DYNC2H1: variants seen among roughly 807,000 people sequenced by gnomAD.
The protein encoded by DYNC2H1 is dynein cytoplasmic 2 heavy chain 1.
DYNC2H1 carries 410 observed loss-of-function variants against 570.0 expected under a neutral mutation model. The observed-to-expected ratio is 0.72, with a 90% CI of 0.66 to 0.78. The LOEUF (loss-of-function observed/expected upper bound fraction) is 0.78, where lower values mean the gene tolerates loss of function less well. DYNC2H1 is among the 30% of genes least tolerant of loss of function. The pLI is 0.00. For synonymous variants in DYNC2H1, 1,688 were observed against 1,677.6 expected (o/e 1.01, Z -0.15); for missense variants, 4,865 against 5,046.4 (o/e 0.96, Z 1.09).
Position 103,153,461 on chromosome 11 carries a change from G to GA in DYNC2H1, c.3262dup (p.Ile1088AsnfsTer2), listed in dbSNP as rs767206815. The GA allele has an allele frequency of 3.8e-5, 59 of 1,564,888 alleles. No individual in the cohort carries two copies. The highest frequency in any genetic ancestry group is 4.9e-5 in the Non-Finnish European group (57 of 1,157,194). On this transcript the variant is annotated frameshift_variant, in exon 22 of 89. Coordinates refer to ENST00000375735, the MANE Select transcript of DYNC2H1 (RefSeq NM_001377.3). LOFTEE classifies it high-confidence loss of function. ...ATAAAAGTGCAAAGTTAATAAAAGA[G>GA]AAAAAAATTGAGTTTGATGATCTTG...
chr11:103,130,264 A>G lies in DYNC2H1; in HGVS notation c.1953+1259A>G, dbSNP rs543206395. 1.1e-3 allele frequency among the ~76,000 whole-genome samples: 167 copies of G among 152,242 alleles called. 1 individual carries two copies. The highest frequency in any genetic ancestry group is 3.9e-3 in the African/African-American group (160 of 41,524). On this transcript the variant is annotated intron_variant, in intron 13 of 88. Coordinates refer to ENST00000375735, the MANE Select transcript of DYNC2H1 (RefSeq NM_001377.3). ...GCAAATATTCAGCATAAACCAAATT[A>G]TTTAGGTACAGTGAGCCACTCTTAT...
chr11:103,234,232 A>T, intron 61 of DYNC2H1, 72 bp downstream of exon 61: 1 of 1,463,422 alleles, frequency 6.8e-7, no homozygotes, highest in Non-Finnish European at 9.1e-7. Context: ...ATGTATGTTA[A>T]GAAAAAGGAG....
rs188974612 is a variant in DYNC2H1, at chr11:103,205,146, T to A, written c.8454+182T>A. Among the ~76,000 whole-genome samples, 5 of 152,270 alleles carry A rather than the reference T, an allele frequency of 3.3e-5. No individual in the cohort carries two copies. The highest frequency in any genetic ancestry group is 2.0e-4 in the Admixed American group (3 of 15,286). ...ATCATAATTTAGTTGAATGTAGAAT[T>A]TTAGATTGAGGATCATGTTCTTAAT... On this transcript the variant is annotated intron_variant, in intron 52 of 88. Coordinates refer to ENST00000375735, the MANE Select transcript of DYNC2H1 (RefSeq NM_001377.3). This position sits in a 1 kb window ranked among gnomAD's most constrained non-coding sequence, Gnocchi z 4.5.
At position 103,479,050 on chromosome 11, in the gene DYNC2H1, A is replaced by C. The variant is rs1441070583; in HGVS notation, c.12766-45A>C. The C allele has an allele frequency of 2.5e-6, 4 of 1,598,122 alleles. No homozygotes were observed. In the African/African-American group the frequency reaches 5.4e-5, roughly 21 times the overall value. On this transcript the variant is annotated intron_variant, in intron 88 of 88. Transcript: ENST00000375735. The stretch of plus-strand genomic sequence containing the variant: ...CTTGGTTATCTAATAATCTGTTTCC[A>C]AATAGTGTATTGCTTTATTTTAAAA...
At chr11:103,361,654 G>A (rs909130342) in intron 83 of DYNC2H1, among the ~76,000 whole-genome samples, 1 of 152,190 alleles carries the variant, frequency 6.6e-6, no homozygotes, top group Non-Finnish European at 1.5e-5. Flanking sequence ...AGTAGTCCAG[G>A]TAAGAGCAGA....
rs1375838326 is a variant in DYNC2H1 at position 103,319,460 on chromosome 11, T to G, written c.11726-1569T>G. 1.3e-5 allele frequency among the ~76,000 whole-genome samples: 2 copies of G among 152,176 alleles called. No individual in the cohort carries two copies. Among genetic ancestry groups the G allele is most frequent in the Admixed American group, 1.3e-4 (2 of 15,284 alleles). ...TTCCTGATCTTTAAATTAGGAATGA[T>G]AGTAGACACTATCTCAGTTTATTCG... is the stretch of plus-strand genomic sequence containing the variant. On this transcript the variant is annotated intron_variant, in intron 80 of 88. Coordinates refer to ENST00000375735, the MANE Select transcript of DYNC2H1 (RefSeq NM_001377.3). The surrounding 1 kb of genome is among the most constrained non-coding windows in gnomAD (Gnocchi z 4.3).
intron 84 of DYNC2H1, among the ~76,000 whole-genome samples, chr11:103,416,075 T>A (rs1220001714): frequency 1.3e-5 from 2 of 152,134 alleles, no homozygotes; most frequent in African/African-American, 4.8e-5. Flanking sequence ...CCACATGTTC[T>A]CACTCATAGG....
intron 84 of DYNC2H1, among the ~76,000 whole-genome samples, chr11:103,425,797 TAAC>T (rs1242463732): frequency 6.6e-6 from 1 of 151,506 alleles, no homozygotes; most frequent in Non-Finnish European, 1.5e-5. Context: ...TAATTATACA[TAAC>T]AAAAAAAAGA....
intron 88 of DYNC2H1, among the ~76,000 whole-genome samples, chr11:103,476,542 A>G (rs1945553007): frequency 1.3e-5 from 2 of 152,238 alleles, no homozygotes; most frequent in Admixed American, 1.3e-4. Context: ...CAAGCTCATC[A>G]GTGCAAACAG....
chr11:103,210,615 C>G (rs535665603), intron 53 of DYNC2H1, among the ~76,000 whole-genome samples: 1 of 152,078 alleles, frequency 6.6e-6, no homozygotes, highest in Non-Finnish European at 1.5e-5. Flanking sequence ...GTAGAACTTT[C>G]TATGAAATAA....
chr11:103,307,189 T>G (rs190997357), intron 77 of DYNC2H1, among the ~76,000 whole-genome samples: 1 of 152,092 alleles, frequency 6.6e-6, no homozygotes. Flanking sequence ...GCAGATGAAT[T>G]TGTATGGTGA....
At position 103,155,516 on chromosome 11, in the gene DYNC2H1, T is replaced by C. The variant is rs1230447936; in HGVS notation, c.3744+15T>C. ...CCGACCTTAAAGTATGAATCACTTT[T>C]ATAAATATCCCATAAGTCTGGCCTT... On this transcript the variant is annotated intron_variant, in intron 25 of 88. Transcript: ENST00000375735. The C allele has an allele frequency of 6.3e-7, 1 of 1,596,314 alleles. No individual in the cohort carries two copies. Among genetic ancestry groups the C allele is most frequent in the South Asian group, 1.2e-5 (1 of 86,160 alleles).
chr11:103,241,101 G>T lies in DYNC2H1; in HGVS notation c.9820-2592G>T, dbSNP rs1181193606. On this transcript the variant is annotated intron_variant, in intron 63 of 88. Transcript: ENST00000375735. The surrounding 1 kb of genome is among the most constrained non-coding windows in gnomAD (Gnocchi z 5.1). ...TTAGTTTGACTTGAACTGTTTTCTA[G>T]CCATAACTTCACCTATCATCCTTCA... Among the ~76,000 whole-genome samples, 1 of 152,046 alleles carries T rather than the reference G, an allele frequency of 6.6e-6. No individual in the cohort carries two copies. The highest frequency in any genetic ancestry group is 2.1e-4 in the South Asian group (1 of 4,824).
rs144932684 is a variant in DYNC2H1, at chr11:103,171,974, G to A, written c.5334+906G>A. 1.3e-3 allele frequency among the ~76,000 whole-genome samples: 203 copies of A among 152,224 alleles called. 1 individual carries two copies. The highest frequency in any genetic ancestry group is 2.4e-3 in the Non-Finnish European group (164 of 67,996). ...ATTAATGTCACTAGAATATAAATTCGTTTGTACAGAAAACGTAAACTTTTT... is the reference window on the plus strand; with the variant it reads ...ATTAATGTCACTAGAATATAAATTCATTTGTACAGAAAACGTAAACTTTTT... On this transcript the variant is annotated intron_variant, in intron 34 of 88. Coordinates refer to ENST00000375735, the MANE Select transcript of DYNC2H1 (RefSeq NM_001377.3).
In DYNC2H1 at chr11:103,188,103, G is replaced by A. The variant is rs1862147424; in HGVS notation, c.7141-394G>A. On this transcript the variant is annotated intron_variant, in intron 43 of 88. Coordinates refer to ENST00000375735, the MANE Select transcript of DYNC2H1 (RefSeq NM_001377.3). ...CTATAAATTCTTAGAGTTTATTACGGTATAGGTCCAATTTTAGGCTTATTA... is the reference window on the plus strand; with the variant it reads ...CTATAAATTCTTAGAGTTTATTACGATATAGGTCCAATTTTAGGCTTATTA... Among the ~76,000 whole-genome samples, 3 of 151,918 alleles carry A rather than the reference G, an allele frequency of 2.0e-5. 1 individual carries two copies. The South Asian group carries it at 6.2e-4, about 32-fold the overall frequency.
chr11:103,478,342 T>C (rs898150450), intron 88 of DYNC2H1, among the ~76,000 whole-genome samples: 10 of 152,290 alleles, frequency 6.6e-5, no homozygotes, highest in Admixed American at 6.5e-4. Context: ...TATTCCTGCT[T>C]GGAATAAGGA....
chr11:103,361,843 T>C (rs1245424628), intron 83 of DYNC2H1, among the ~76,000 whole-genome samples: 1 of 152,170 alleles, frequency 6.6e-6, no homozygotes, highest in Non-Finnish European at 1.5e-5. Context: ...TTGAGGAATC[T>C]TTAGTTAGGA....
intron 84 of DYNC2H1, among the ~76,000 whole-genome samples, chr11:103,415,977 G>A (rs977941446): frequency 6.6e-6 from 1 of 152,154 alleles, no homozygotes; most frequent in Non-Finnish European, 1.5e-5. Context: ...GACATAAAAA[G>A]GATGAGTTCA....
rs1263165497 is a variant in DYNC2H1 at position 103,145,552 on chromosome 11, C to T, written c.2702+2157C>T. Among the ~76,000 whole-genome samples, 2 of 150,348 alleles carry T rather than the reference C, an allele frequency of 1.3e-5. No individual in the cohort carries two copies. The highest frequency in any genetic ancestry group is 3.0e-5 in the Non-Finnish European group (2 of 67,632). ...TAGCTTTCCTATTTATGATCCTTGC[C>T]AAAAGAAAAAAAAATAAAAACAACA... On this transcript the variant is annotated intron_variant, in intron 18 of 88. Transcript: ENST00000375735. This position sits in a 1 kb window ranked among gnomAD's most constrained non-coding sequence, Gnocchi z 4.2.
Sources: gnomAD v4.1 joint callset for allele counts (sites outside exome capture counted in the v4.1 genomes callset) on GRCh38, gnomAD v4.1.1 for gene constraint, Gnocchi (gnomAD v3.1) non-coding constraint, MANE v1.5 for transcripts, NCBI Gene and HGNC (gene_info 2026-07-23, HGNC 2026-07-21) for gene names.